LRRC72: variants seen among roughly 807,000 people sequenced by gnomAD.
LRRC72 encodes the protein leucine-rich repeat-containing protein 72.
Under a neutral mutation model 35.8 loss-of-function variants are expected in LRRC72, and 41 were observed. That is an observed-to-expected ratio of 1.15 (90% CI 0.89 to 1.49). The LOEUF (loss-of-function observed/expected upper bound fraction) is 1.49, where lower values mean the gene tolerates loss of function less well. Ranked by LOEUF, LRRC72 falls within the 40% of genes most tolerant of loss-of-function variation. The pLI is 0.00. For synonymous variants in LRRC72, 118 were observed against 119.2 expected (o/e 0.99, Z 0.07); for missense variants, 389 against 330.7 (o/e 1.18, Z -1.37).
At position 16,532,557 on chromosome 7, in the gene LRRC72, C is replaced by T. The variant is rs1782186596; in HGVS notation, c.153C>T (p.Phe51=). ...HRRDADVFEL[F]LSKKELTEVI... ...GGGATGCTGATGTCTTTGAGCTGTT[C>T]CTTTCTAAAAAGTAAGTGTACTTAA... is the stretch of plus-strand genomic sequence containing the variant. The change falls in exon 2 of 9, where the codon TTC becomes TTT. Residue 51 remains phenylalanine, a synonymous_variant. Transcript: ENST00000401542. 6.5e-7 allele frequency: 1 copy of T among 1,548,514 alleles called. No individual in the cohort carries two copies. The highest frequency in any genetic ancestry group is 1.2e-5 in the South Asian group (1 of 84,032).
chr7:16,558,935 T>C lies in LRRC72; in HGVS notation c.363T>C (p.Asn121=). Reference sequence around the variant, plus strand: ...TGCATATACTCCTGCTACACCACAATGAGCTAACCAACATTGATGCAACAG... The same window carrying C: ...TGCATATACTCCTGCTACACCACAACGAGCTAACCAACATTGATGCAACAG... ...PSLHILLLHH[N]ELTNIDATVK... is the part of the protein sequence containing the mutation. The change falls in exon 5 of 9, where the codon AAT becomes AAC. Residue 121 remains asparagine (N), a synonymous_variant. Transcript: ENST00000401542. 1 of 1,533,418 alleles carries C rather than the reference T, an allele frequency of 6.5e-7. No individual in the cohort carries two copies. The highest frequency in any genetic ancestry group is 8.8e-7 in the Non-Finnish European group (1 of 1,135,410). The allele number at this position is 1,533,418 out of a possible 1,614,324, so 95.0% of individuals were successfully genotyped here.
At chr7:16,555,530 C>A in intron 3 of LRRC72, among the ~76,000 whole-genome samples, 1 of 152,124 alleles carries the variant, frequency 6.6e-6, no homozygotes, top group East Asian at 1.9e-4. Flanking sequence ...CCCAGCAATT[C>A]GGGAGGCCAA....
intron 3 of LRRC72, among the ~76,000 whole-genome samples, chr7:16,540,766 C>T (rs1029186069): frequency 4.6e-5 from 7 of 152,148 alleles, no homozygotes; most frequent in African/African-American, 7.2e-5. Context: ...TTCTCACCTG[C>T]CACCATGTAA....
rs1782075475 is a variant in LRRC72, at chr7:16,526,867, C to T, written c.-86C>T. On this transcript the variant is annotated 5_prime_UTR_variant, in exon 1 of 9. Coordinates refer to ENST00000401542, the MANE Select transcript of LRRC72 (RefSeq NM_001195280.2). ...TAACTGTTGGTAACAGAACAACGAG[C>T]TGTGCACCAAGCCAAGTCTCTCTTC... 2.9e-6 allele frequency: 3 copies of T among 1,036,550 alleles called. No homozygotes were observed. Among genetic ancestry groups the T allele is most frequent in the Non-Finnish European group, 4.3e-6 (3 of 691,984 alleles). 64.2% of individuals were successfully genotyped at this position (1,036,550 alleles called of 1,614,324 possible). A position where few individuals can be genotyped will look rare whatever the true frequency, so the allele number is the denominator to read the frequency against.
At chr7:16,533,626 G>A (rs1048375488) in intron 2 of LRRC72, among the ~76,000 whole-genome samples, 2 of 151,964 alleles carry the variant, frequency 1.3e-5, no homozygotes, top group African/African-American at 4.8e-5. Flanking sequence ...TATTTCTAGT[G>A]ATTTGGGGAA....
chr7:16,529,157 C>T (rs1436749009), intron 1 of LRRC72, among the ~76,000 whole-genome samples: 1 of 152,098 alleles, frequency 6.6e-6, no homozygotes, highest in Admixed American at 6.6e-5. Context: ...TAATATGACC[C>T]CAACCCACCT....
chr7:16,527,919 G>C (rs1004837165), intron 1 of LRRC72, among the ~76,000 whole-genome samples: 1 of 152,000 alleles, frequency 6.6e-6, no homozygotes, highest in Non-Finnish European at 1.5e-5. Context: ...AGATCCTCAG[G>C]CATCGGGTGG....
chr7:16,566,182 T>G, intron 5 of LRRC72, 131 bp from the exon 6 acceptor site: 1 of 555,078 alleles, frequency 1.8e-6, no homozygotes, highest in Non-Finnish European at 3.1e-6. Context: ...ATGGGTCTAT[T>G]GCTTGATATG....
intron 6 of LRRC72, 147 bp from the exon 7 acceptor site, chr7:16,567,244 G>A: frequency 1.8e-6 from 1 of 551,436 alleles, no homozygotes; most frequent in Non-Finnish European, 3.0e-6. Flanking sequence ...AAATAAGCGT[G>A]ATAGCCCCTT....
At chr7:16,572,430 C>CTT (rs1449748141) in intron 7 of LRRC72, among the ~76,000 whole-genome samples, 2 of 152,160 alleles carry the variant, frequency 1.3e-5, no homozygotes, top group Non-Finnish European at 2.9e-5. Flanking sequence ...CTGAATCCAG[C>CTT]AGCACATCAA....
At chr7:16,552,435 G>A (rs571721448) in intron 3 of LRRC72, among the ~76,000 whole-genome samples, 1 of 152,274 alleles carries the variant, frequency 6.6e-6, no homozygotes, top group African/African-American at 2.4e-5. Flanking sequence ...ACATTGGGAT[G>A]GCCAAGGTTA....
At chr7:16,552,119 C>A (rs1188426383) in intron 3 of LRRC72, among the ~76,000 whole-genome samples, 1 of 152,108 alleles carries the variant, frequency 6.6e-6, no homozygotes, top group Admixed American at 6.5e-5. Context: ...TGTGTGAGAG[C>A]AGAGGAGAAA....
At chr7:16,562,294 G>A (rs1782756852) in intron 5 of LRRC72, among the ~76,000 whole-genome samples, 1 of 151,976 alleles carries the variant, frequency 6.6e-6, no homozygotes, top group African/African-American at 2.4e-5. Flanking sequence ...ATCCACATGT[G>A]TCAAAGACCC....
intron 3 of LRRC72, among the ~76,000 whole-genome samples, chr7:16,553,839 T>C (rs1254931997): frequency 6.6e-6 from 1 of 152,228 alleles, no homozygotes; most frequent in Non-Finnish European, 1.5e-5. Context: ...ATTACCTGTA[T>C]GTATTTTACA....
At chr7:16,564,677 A>G (rs771491335) in intron 5 of LRRC72, among the ~76,000 whole-genome samples, 1 of 151,838 alleles carries the variant, frequency 6.6e-6, no homozygotes, top group African/African-American at 2.4e-5. Context: ...TGCCTGCTTT[A>G]TGTCCCTCTA....
At chr7:16,529,488 G>A (rs996727673) in intron 1 of LRRC72, among the ~76,000 whole-genome samples, 7 of 152,158 alleles carry the variant, frequency 4.6e-5, no homozygotes, top group East Asian at 1.9e-4. Context: ...AAGGGACCAC[G>A]AACTGTGCCC....
intron 5 of LRRC72, among the ~76,000 whole-genome samples, chr7:16,564,240 C>T (rs1376657452): frequency 2.0e-5 from 3 of 152,192 alleles, no homozygotes; most frequent in African/African-American, 7.2e-5. Context: ...AACCACAAAG[C>T]AGACTTCTGT....
intron 3 of LRRC72, among the ~76,000 whole-genome samples, chr7:16,549,156 G>C (rs1782504372): frequency 6.6e-6 from 1 of 152,122 alleles, no homozygotes; most frequent in South Asian, 2.1e-4. Flanking sequence ...ATAAATTTGA[G>C]GAAGGCAAGT....
intron 7 of LRRC72, among the ~76,000 whole-genome samples, chr7:16,577,197 T>A (rs896557504): frequency 3.3e-5 from 5 of 151,424 alleles, no homozygotes; most frequent in African/African-American, 1.2e-4. Context: ...ACTGAGGGAG[T>A]TGTGTACAAG....
Sources: gnomAD v4.1 joint callset for allele counts (sites outside exome capture counted in the v4.1 genomes callset) on GRCh38, gnomAD v4.1.1 for gene constraint, MANE v1.5 for transcripts, NCBI Gene and HGNC (gene_info 2026-07-23, HGNC 2026-07-21) for gene names.